Variants in ZNF804B observed in about 807,000 individuals in gnomAD.
The protein encoded by ZNF804B is zinc finger 804B.
A neutral mutation model predicts 101.4 loss-of-function variants in ZNF804B; 80 were observed. That is an observed-to-expected ratio of 0.79 (90% CI 0.66 to 0.95). ZNF804B has a LOEUF of 0.95. ZNF804B is among the 40% of genes least tolerant of loss of function. The pLI is 0.00. For synonymous variants in ZNF804B, 622 were observed against 558.8 expected, an observed-to-expected ratio of 1.11 and a Z score of -1.59; for missense variants, 1,673 against 1,561.9, an observed-to-expected ratio of 1.07 and a Z score of -1.20.
chr7:89,187,615 G>A (rs1055470205), intron 1 of ZNF804B, among the ~76,000 whole-genome samples: 3 of 152,228 alleles, frequency 2.0e-5, no homozygotes, highest in African/African-American at 7.2e-5. Flanking sequence ...GTCTGCAGTG[G>A]CAAAGTTTGG....
intron 1 of ZNF804B, among the ~76,000 whole-genome samples, chr7:89,095,137 A>C (rs376887266): frequency 2.0e-5 from 3 of 152,264 alleles, no homozygotes; most frequent in African/African-American, 7.2e-5. Flanking sequence ...AGGTGATAGA[A>C]GCATGAGCCC....
intron 1 of ZNF804B, among the ~76,000 whole-genome samples, chr7:89,136,937 G>C (rs1360430682): frequency 1.3e-5 from 2 of 152,010 alleles, no homozygotes; most frequent in African/African-American, 2.4e-5. Context: ...TTGTGAGGCA[G>C]AGCTTCCCTG....
intron 2 of ZNF804B, among the ~76,000 whole-genome samples, chr7:89,292,451 ATTTG>A (rs888186103): frequency 7.9e-5 from 12 of 152,218 alleles, no homozygotes; most frequent in South Asian, 2.1e-4. Context: ...TTGCTTGTTC[ATTTG>A]TTTGTTTATG....
At chr7:89,117,478 T>C (rs1790328599) in intron 1 of ZNF804B, among the ~76,000 whole-genome samples, 1 of 152,210 alleles carries the variant, frequency 6.6e-6, no homozygotes, top group Non-Finnish European at 1.5e-5. Flanking sequence ...CTATGCTTAC[T>C]TACCATAATT....
At chr7:88,921,056 G>T (rs919669340) in intron 1 of ZNF804B, among the ~76,000 whole-genome samples, 4 of 151,944 alleles carry the variant, frequency 2.6e-5, no homozygotes, top group African/African-American at 7.3e-5. Flanking sequence ...CTGATAAAAC[G>T]AATGCACTAA....
chr7:89,330,805 T>C (rs1193261207), intron 3 of ZNF804B, among the ~76,000 whole-genome samples: 1 of 151,200 alleles, frequency 6.6e-6, no homozygotes, highest in Admixed American at 6.6e-5. Context: ...TAGAGAACAT[T>C]GTATTAGAAA....
chr7:89,272,383 A>G (rs73399177), intron 2 of ZNF804B, among the ~76,000 whole-genome samples: 2,047 of 152,244 alleles, frequency 0.013, 42 homozygotes, highest in African/African-American at 0.047. Flanking sequence ...GGCAAATTCA[A>G]GAAGGTTTTG....
chr7:89,224,896 C>G (rs1789063185), intron 2 of ZNF804B, among the ~76,000 whole-genome samples: 1 of 151,934 alleles, frequency 6.6e-6, no homozygotes, highest in Admixed American at 6.6e-5. Context: ...TGTATCTTAG[C>G]CAAGAGGCTT....
intron 1 of ZNF804B, among the ~76,000 whole-genome samples, chr7:89,079,323 T>A (rs1277897061): frequency 6.6e-6 from 1 of 152,100 alleles, no homozygotes; most frequent in Non-Finnish European, 1.5e-5. Context: ...ATTTTGACAT[T>A]TCCTTTGCAG....
chr7:89,008,646 C>A (rs1011180742), intron 1 of ZNF804B, among the ~76,000 whole-genome samples: 1 of 152,114 alleles, frequency 6.6e-6, no homozygotes, highest in African/African-American at 2.4e-5. Flanking sequence ...CTCCCACTCT[C>A]CACATTCTCA....
At chr7:89,045,603 A>G (rs1178019867) in intron 1 of ZNF804B, among the ~76,000 whole-genome samples, 1 of 152,224 alleles carries the variant, frequency 6.6e-6, no homozygotes, top group Non-Finnish European at 1.5e-5. Context: ...ATGGAGTCCA[A>G]GGAGATCATT....
intron 1 of ZNF804B, among the ~76,000 whole-genome samples, chr7:88,835,345 C>T (rs892120644): frequency 4.6e-5 from 7 of 151,682 alleles, no homozygotes; most frequent in Non-Finnish European, 1.0e-4. Context: ...TTTTAATCCC[C>T]GTCAAAAAAG....
At chr7:89,034,438 C>A (rs1430329011) in intron 1 of ZNF804B, among the ~76,000 whole-genome samples, 2 of 151,440 alleles carry the variant, frequency 1.3e-5, no homozygotes, top group African/African-American at 4.9e-5. Context: ...GTGTGATGTT[C>A]CCCTCCCTCT....
At chr7:88,948,983 G>A (rs568089760) in intron 1 of ZNF804B, among the ~76,000 whole-genome samples, 5 of 150,818 alleles carry the variant, frequency 3.3e-5, no homozygotes, top group Non-Finnish European at 7.4e-5. Flanking sequence ...AATTAATTTT[G>A]TATGTGATTA....
chr7:88,912,525 C>T (rs1445132875), intron 1 of ZNF804B, among the ~76,000 whole-genome samples: 5 of 152,040 alleles, frequency 3.3e-5, no homozygotes, highest in Admixed American at 3.3e-4. Context: ...CTTCTGAAAG[C>T]TATATGGTTT....
At chr7:89,061,174 T>G (rs1789373300) in intron 1 of ZNF804B, among the ~76,000 whole-genome samples, 1 of 152,178 alleles carries the variant, frequency 6.6e-6, no homozygotes, top group South Asian at 2.1e-4. Context: ...TATTATTGCC[T>G]ATTTTATGGT....
intron 1 of ZNF804B, among the ~76,000 whole-genome samples, chr7:89,202,279 A>G (rs976685515): frequency 8.5e-5 from 13 of 152,160 alleles, no homozygotes; most frequent in African/African-American, 3.1e-4. Flanking sequence ...TATATCAGAG[A>G]AAGGTGTAGC....
At chr7:89,324,286 T>G (rs1790865742) in intron 2 of ZNF804B, among the ~76,000 whole-genome samples, 1 of 152,090 alleles carries the variant, frequency 6.6e-6, no homozygotes, top group East Asian at 1.9e-4. Context: ...GAAGAAACCT[T>G]TCTTATTCCT....
intron 1 of ZNF804B, among the ~76,000 whole-genome samples, chr7:88,828,950 A>C (rs887588666): frequency 6.6e-6 from 1 of 152,122 alleles, no homozygotes; most frequent in South Asian, 2.1e-4. Flanking sequence ...TTCTTAATGC[A>C]CAAAAAAAGG....
Sources: gnomAD v4.1 joint callset for allele counts (sites outside exome capture counted in the v4.1 genomes callset) on GRCh38, gnomAD v4.1.1 for gene constraint, MANE v1.5 for transcripts, NCBI Gene and HGNC (gene_info 2026-07-23, HGNC 2026-07-21) for gene names.